Variants in TLE1 observed in about 807,000 individuals in gnomAD.
TLE1 encodes TLE family member 1, transcriptional corepressor, also known as transducin-like enhancer protein 1.
Under a neutral mutation model 89.8 loss-of-function variants are expected in TLE1, and 21 were observed. That is an observed-to-expected ratio of 0.23 (90% CI 0.17 to 0.34). The LOEUF (loss-of-function observed/expected upper bound fraction) is 0.34, where lower values mean the gene tolerates loss of function less well. Ranked by LOEUF, TLE1 falls within the 10% of genes least tolerant of loss-of-function variation. The pLI, the probability that TLE1 is intolerant of heterozygous loss-of-function variation, is 1.00. For missense variants in TLE1, 795 were observed against 1,031.2 expected (o/e 0.77, Z 3.14); for synonymous variants, 447 against 407.6 (o/e 1.10, Z -1.16).
Position 81,590,839 on chromosome 9 carries a change from C to T in TLE1, c.1795G>A (p.Ala599Thr), listed in dbSNP as rs1455357767. The T allele has an allele frequency of 3.1e-6, 5 of 1,614,074 alleles. No homozygotes were observed. Among genetic ancestry groups the T allele is most frequent in the Admixed American group, 1.7e-5 (1 of 60,006 alleles). Residue 599 changes from alanine (A) to threonine (T), a missense_variant, in exon 16 of 20, where the codon GCT becomes ACT. Ala to Thr is a moderately conservative substitution (Grantham distance 58). Coordinates refer to ENST00000376499, the MANE Select transcript of TLE1 (RefSeq NM_005077.5). ...CFSCCSDGNIAVWDLHNQTLV... is the reference protein window; with the variant it reads ...CFSCCSDGNITVWDLHNQTLV... ...GTCTGGTTGTGCAGATCCCACACAG[C>T]GATGTTGCCGTCGCTGCAGCATGAG...
chr9:81,680,746 TGA>T (rs1280580112), intron 4 of TLE1, among the ~76,000 whole-genome samples: 1 of 152,046 alleles, frequency 6.6e-6, no homozygotes, highest in African/African-American at 2.4e-5. Context: ...GCCTGGCTAA[TGA>T]AGTTGAGGAC....
At chr9:81,587,582 G>T in intron 17 of TLE1, 99 bp downstream of exon 17, 1 of 1,413,986 alleles carries the variant, frequency 7.1e-7, no homozygotes, top group Non-Finnish European at 9.3e-7. Context: ...TGTTTGTCCA[G>T]CCACTACCAT....
At position 81,688,375 on chromosome 9, in the gene TLE1, T is replaced by G; in HGVS notation, c.-135A>C. 1 of 1,037,884 alleles carries G rather than the reference T, an allele frequency of 9.6e-7. No homozygotes were observed. Among genetic ancestry groups the G allele is most frequent in the Non-Finnish European group, 1.3e-6 (1 of 767,424 alleles). The allele number at this position is 1,037,884 out of a possible 1,614,324, so 64.3% of individuals were successfully genotyped here. A position where few individuals can be genotyped will look rare whatever the true frequency, so the allele number is the denominator to read the frequency against. On this transcript the variant is annotated 5_prime_UTR_variant, in exon 1 of 20. Transcript: ENST00000376499. ...GAGCGCGCTGGCCACGCACGCGCGC[T>G]CCGCCGGGCGCACCGGCCACTCGGC...
intron 17 of TLE1, among the ~76,000 whole-genome samples, chr9:81,586,264 G>A (rs62578587): frequency 0.051 from 7,735 of 152,158 alleles, 262 homozygotes; most frequent in Middle Eastern, 0.12. Context: ...TGATCCACCC[G>A]CCTCGGCCTC....
chr9:81,682,880 G>T (rs982564773), intron 4 of TLE1, among the ~76,000 whole-genome samples: 79 of 152,262 alleles, frequency 5.2e-4, no homozygotes, highest in Non-Finnish European at 9.6e-4. Context: ...AAAGACTTAA[G>T]TATCTATTAC....
intron 6 of TLE1, among the ~76,000 whole-genome samples, chr9:81,646,026 A>AT (rs1333081468): frequency 1.3e-5 from 2 of 152,214 alleles, no homozygotes; most frequent in Admixed American, 6.5e-5. Context: ...AAATCACAGG[A>AT]AACTATGTGG....
At chr9:81,621,026 A>G (rs1234060173) in intron 8 of TLE1, 3 of 302,042 alleles carry the variant, frequency 9.9e-6, no homozygotes. Context: ...GGTTTCCTAA[A>G]AGGCAAATCA....
At position 81,620,514 on chromosome 9, in the gene TLE1, T is replaced by C. The variant is rs1251909570; in HGVS notation, c.638A>G (p.Lys213Arg). ...GGAAAATTCAGGTCCATTTCTGCGT[T>C]TATCTGTGCCTCTTAGACTGTCTGG... ...LVPDSLRGTD[K>R]RRNGPEFSND... Residue 213 changes from lysine to arginine, a missense_variant, in exon 9 of 20, where the codon AAA (lysine) becomes AGA (arginine). Physicochemically the swap from Lys to Arg is conservative, Grantham distance 26. Around this residue, in one of 4 missense-constraint regions of TLE1, gnomAD observed 468 missense variants for 509.1 expected, o/e 0.92. Transcript: ENST00000376499. 6.2e-7 allele frequency: 1 copy of C among 1,614,012 alleles called. No individual in the cohort carries two copies. Among genetic ancestry groups the C allele is most frequent in the Non-Finnish European group, 8.5e-7 (1 of 1,180,014 alleles).
At chr9:81,640,965 T>C (rs1828034056) in intron 6 of TLE1, among the ~76,000 whole-genome samples, 3 of 152,180 alleles carry the variant, frequency 2.0e-5, no homozygotes. Context: ...AGAAAAACTA[T>C]GTCATAAAAA....
At chr9:81,672,322 A>AATTATTATTATT (rs534539630) in intron 4 of TLE1, among the ~76,000 whole-genome samples, 51 of 150,424 alleles carry the variant, frequency 3.4e-4, no homozygotes, top group African/African-American at 1.2e-3. Flanking sequence ...CCCTGCAATA[A>AATTATTATTATT]ATTATTATTA....
At chr9:81,638,890 G>T (rs1827737231) in intron 6 of TLE1, among the ~76,000 whole-genome samples, 1 of 152,032 alleles carries the variant, frequency 6.6e-6, no homozygotes, top group Non-Finnish European at 1.5e-5. Flanking sequence ...CTCCCAAAGT[G>T]CTGAGATTAC....
chr9:81,646,206 T>C (rs1279916903), intron 6 of TLE1, among the ~76,000 whole-genome samples: 1 of 152,214 alleles, frequency 6.6e-6, no homozygotes, highest in East Asian at 1.9e-4. Flanking sequence ...CTACAAAGCA[T>C]GATGACAATA....
intron 14 of TLE1, among the ~76,000 whole-genome samples, 184 bp downstream of exon 14, chr9:81,610,036 G>A (rs1264242109): frequency 2.0e-5 from 3 of 152,196 alleles, no homozygotes; most frequent in Admixed American, 6.5e-5. Flanking sequence ...CCCCCAGGGA[G>A]AAGACAGAGG....
intron 8 of TLE1, among the ~76,000 whole-genome samples, chr9:81,621,864 T>C (rs915333290): frequency 1.3e-5 from 2 of 152,146 alleles, no homozygotes; most frequent in Non-Finnish European, 1.5e-5. Context: ...GGACTGACTC[T>C]AGAGGAGCTG....
At chr9:81,601,985 C>T (rs1290838525) in intron 14 of TLE1, among the ~76,000 whole-genome samples, 1 of 152,038 alleles carries the variant, frequency 6.6e-6, no homozygotes, top group Non-Finnish European at 1.5e-5. Context: ...GGCTTGTACA[C>T]GATTATAATC....
At chr9:81,653,881 T>C in intron 5 of TLE1, 93 bp downstream of exon 5, 1 of 1,176,300 alleles carries the variant, frequency 8.5e-7, no homozygotes, top group Non-Finnish European at 1.3e-6. Context: ...TTCACACTTG[T>C]TCCTTGTGAT....
At chr9:81,611,520 C>G (rs1035841056) in intron 13 of TLE1, among the ~76,000 whole-genome samples, 16 of 152,232 alleles carry the variant, frequency 1.1e-4, no homozygotes, top group African/African-American at 3.6e-4. Context: ...TAAACACTGC[C>G]TTTTTCATCC....
In TLE1 at chr9:81,673,099, C is replaced by T. The variant is rs1010387450; in HGVS notation, c.234+12577G>A. ...ACCAGCCTGGCCAACATGGTGAAAT[C>T]CCGACTCTACTAAAAATACAAAAAT... On this transcript the variant is annotated intron_variant, in intron 4 of 19. Coordinates refer to ENST00000376499, the MANE Select transcript of TLE1 (RefSeq NM_005077.5). Among the ~76,000 whole-genome samples, 4 of 151,662 alleles carry T rather than the reference C, an allele frequency of 2.6e-5. No individual in the cohort carries two copies. The South Asian group carries it at 8.3e-4, about 32-fold the overall frequency.
chr9:81,666,409 A>C (rs1340217665), intron 4 of TLE1, among the ~76,000 whole-genome samples: 4 of 152,168 alleles, frequency 2.6e-5, no homozygotes, highest in African/African-American at 9.7e-5. Context: ...CAATGGCAGG[A>C]TTAGTGGGAG....
Sources: allele counts gnomAD v4.1 joint callset (sites outside exome capture counted in the v4.1 genomes callset), GRCh38; gene constraint gnomAD v4.1.1; regional missense constraint gnomAD v4.1.1; transcripts MANE v1.5; gene names NCBI Gene and HGNC (gene_info 2026-07-23, HGNC 2026-07-21).